Variants in DNAJC15 observed in about 807,000 individuals in gnomAD.
DNAJC15 encodes the protein DnaJ heat shock protein family (Hsp40) member C15.
A neutral mutation model predicts 22.4 loss-of-function variants in DNAJC15; 27 were observed. The observed-to-expected ratio is 1.20, with a 90% CI of 0.89 to 1.66. The LOEUF is 1.66. DNAJC15 is among the 40% of genes most tolerant of loss of function. The probability of loss-of-function intolerance (pLI) is 0.00; values close to 1 mark genes in which losing one functional copy is unlikely to be tolerated. For synonymous variants in DNAJC15, 79 were observed against 63.2 expected, an observed-to-expected ratio of 1.25 and a Z score of -1.19; for missense variants, 208 against 187.1, an observed-to-expected ratio of 1.11 and a Z score of -0.65.
intron 5 of DNAJC15, among the ~76,000 whole-genome samples, chr13:43,097,614 G>T (rs766076750): frequency 1.3e-5 from 2 of 152,094 alleles, no homozygotes; most frequent in Non-Finnish European, 2.9e-5. Flanking sequence ...TTGGATGAGG[G>T]TTGTTGTAGT....
At chr13:43,095,139 T>C (rs1396861831) in intron 5 of DNAJC15, among the ~76,000 whole-genome samples, 1 of 152,124 alleles carries the variant, frequency 6.6e-6, no homozygotes, top group Admixed American at 6.5e-5. Context: ...TATGACAAAT[T>C]AATTGGCTAG....
chr13:43,024,893 T>TAAGAAAAA (rs61705035), intron 1 of DNAJC15, among the ~76,000 whole-genome samples: 11 of 85,954 alleles, frequency 1.3e-4, no homozygotes, highest in African/African-American at 4.6e-4. Flanking sequence ...CCATCTCTGC[T>TAAGAAAAA]AAAAAAAAAA....
chr13:43,062,299 A>C (rs886414082), intron 1 of DNAJC15, among the ~76,000 whole-genome samples: 1 of 152,190 alleles, frequency 6.6e-6, no homozygotes, highest in Non-Finnish European at 1.5e-5. Flanking sequence ...AAGGCAGGTA[A>C]GAAATGGGGA....
chr13:43,085,850 TC>T lies in DNAJC15; in HGVS notation c.382+14del. On this transcript the variant is annotated intron_variant, in intron 5 of 5. Coordinates refer to ENST00000379221, the MANE Select transcript of DNAJC15 (RefSeq NM_013238.3). Reference sequence around the variant, plus strand: ...TCACCCAGATAAAGGTAGGTAGAATTCCTATTTTTCATAATATGTATATCAA... The same window carrying T: ...TCACCCAGATAAAGGTAGGTAGAATTCTATTTTTCATAATATGTATATCAA... 6.2e-7 allele frequency: 1 copy of T among 1,607,238 alleles called. No individual in the cohort carries two copies.
chr13:43,100,205 C>CTTTTTTT (rs368386623), intron 5 of DNAJC15, among the ~76,000 whole-genome samples: 1 of 110,512 alleles, frequency 9.0e-6, no homozygotes, highest in Non-Finnish European at 1.8e-5. Flanking sequence ...TTATTGAAGT[C>CTTTTTTT]TTTTTTTTTT....
At chr13:43,105,858 A>G (rs923196197) in intron 5 of DNAJC15, among the ~76,000 whole-genome samples, 5 of 152,220 alleles carry the variant, frequency 3.3e-5, no homozygotes, top group South Asian at 2.1e-4. Context: ...TGAAATCAAC[A>G]TATTTCATAA....
intron 1 of DNAJC15, among the ~76,000 whole-genome samples, chr13:43,048,353 A>T (rs1458449094): frequency 1.3e-5 from 2 of 148,684 alleles, no homozygotes; most frequent in Non-Finnish European, 1.5e-5. Flanking sequence ...TTACCCGGGT[A>T]TGGTGGCTCA....
At chr13:43,037,923 A>T (rs1308358491) in intron 1 of DNAJC15, among the ~76,000 whole-genome samples, 2 of 152,196 alleles carry the variant, frequency 1.3e-5, no homozygotes, top group African/African-American at 4.8e-5. Flanking sequence ...TTTTAATGAA[A>T]ATATTCTTTT....
rs192958417 is a variant in DNAJC15 at position 43,102,783 on chromosome 13, G to C, written c.383-4395G>C. ...GTTTGTTTTGCACCTGTGCTCATGA[G>C]AGATCTGGGTCTGTGGTTTCCTTGT... On this transcript the variant is annotated intron_variant, in intron 5 of 5. Coordinates refer to ENST00000379221, the MANE Select transcript of DNAJC15 (RefSeq NM_013238.3). 3.7e-3 allele frequency among the ~76,000 whole-genome samples: 560 copies of C among 152,206 alleles called. 10 individuals are homozygous for C. Among genetic ancestry groups the C allele is most frequent in the Admixed American group, 0.035 (537 of 15,292 alleles).
rs1305993232 is a variant in DNAJC15, at chr13:43,112,909, G to T, written c.*5661G>T. On this transcript the variant is annotated 3_prime_UTR_variant, in exon 6 of 6. Coordinates refer to ENST00000379221, the MANE Select transcript of DNAJC15 (RefSeq NM_013238.3). Reference sequence around the variant, plus strand: ...CCTGGGATTATAAATGTGAAATTAGGTTTACGAAAGGATCCAGTGTCATTG... The same window carrying T: ...CCTGGGATTATAAATGTGAAATTAGTTTTACGAAAGGATCCAGTGTCATTG... 2.0e-5 allele frequency: 3 copies of T among 152,216 alleles called. No individual in the cohort carries two copies. Among genetic ancestry groups the T allele is most frequent in the Non-Finnish European group, 4.4e-5 (3 of 68,046 alleles). The allele number at this position is 152,216 out of a possible 1,614,324, so 9.4% of individuals were successfully genotyped here.
chr13:43,104,224 A>C (rs2040784807), intron 5 of DNAJC15, among the ~76,000 whole-genome samples: 1 of 152,296 alleles, frequency 6.6e-6, no homozygotes, highest in East Asian at 1.9e-4. Context: ...CAGCCTGGGC[A>C]ATCACCATTC....
chr13:43,036,552 A>G (rs1418349333), intron 1 of DNAJC15, among the ~76,000 whole-genome samples: 4 of 152,230 alleles, frequency 2.6e-5, no homozygotes, highest in Admixed American at 2.6e-4. Context: ...GGTGGACTTC[A>G]TCCAGAACTG....
chr13:43,096,092 C>T (rs1410204821), intron 5 of DNAJC15, among the ~76,000 whole-genome samples: 6 of 151,094 alleles, frequency 4.0e-5, no homozygotes, highest in Non-Finnish European at 7.4e-5. Flanking sequence ...TGGAAATGAT[C>T]GAGAGAAGGT....
At chr13:43,036,272 C>G (rs949314191) in intron 1 of DNAJC15, among the ~76,000 whole-genome samples, 2 of 150,912 alleles carry the variant, frequency 1.3e-5, no homozygotes, top group East Asian at 3.9e-4. Flanking sequence ...CTCAAGCAGT[C>G]CTCCGACCTC....
intron 1 of DNAJC15, among the ~76,000 whole-genome samples, chr13:43,064,011 G>A (rs1009503420): frequency 6.6e-6 from 1 of 152,186 alleles, no homozygotes; most frequent in East Asian, 1.9e-4. Context: ...ATTTCAGGCA[G>A]GCTAGACAAC....
chr13:43,081,613 T>C (rs2040662045), intron 4 of DNAJC15, among the ~76,000 whole-genome samples: 2 of 151,980 alleles, frequency 1.3e-5, no homozygotes. Flanking sequence ...TAATTTTTTG[T>C]ATTTTTAGTA....
intron 3 of DNAJC15, among the ~76,000 whole-genome samples, chr13:43,075,464 A>G (rs1261229299): frequency 1.3e-5 from 2 of 152,196 alleles, no homozygotes; most frequent in Non-Finnish European, 2.9e-5. Context: ...GACTCATTGA[A>G]ATATTTTTTT....
intron 4 of DNAJC15, among the ~76,000 whole-genome samples, chr13:43,082,857 T>TATATATATACAC (rs144193543): frequency 1.1e-4 from 17 of 149,484 alleles, no homozygotes; most frequent in Non-Finnish European, 2.1e-4. Context: ...TATATATATA[T>TATATATATACAC]ATACACACAT....
At chr13:43,076,482 C>T (rs1297335171) in intron 3 of DNAJC15, among the ~76,000 whole-genome samples, 1 of 152,056 alleles carries the variant, frequency 6.6e-6, no homozygotes, top group African/African-American at 2.4e-5. Context: ...AGCCTGTGCT[C>T]ATTGTTGAAA....
Sources: allele counts gnomAD v4.1 joint callset (sites outside exome capture counted in the v4.1 genomes callset), GRCh38; gene constraint gnomAD v4.1.1; transcripts MANE v1.5; gene names NCBI Gene and HGNC (gene_info 2026-07-23, HGNC 2026-07-21).